BMP5: variants seen among roughly 807,000 people sequenced by gnomAD.
The protein encoded by BMP5 is bone morphogenetic protein 5.
A neutral mutation model predicts 46.6 loss-of-function variants in BMP5; 23 were observed. That is an observed-to-expected ratio of 0.49 (90% CI 0.35 to 0.70). The LOEUF (loss-of-function observed/expected upper bound fraction) is 0.70, where lower values mean the gene tolerates loss of function less well. Among genes scored for constraint, BMP5 ranks in the 30% least tolerant of loss-of-function variants. BMP5 has a pLI of 0.00. For missense variants in BMP5, 545 were observed against 565.6 expected (o/e 0.96, Z 0.37); for synonymous variants, 204 against 191.9 (o/e 1.06, Z -0.52).
intron 1 of BMP5, among the ~76,000 whole-genome samples, chr6:55,824,668 C>T (rs1776488672): frequency 6.6e-6 from 1 of 151,680 alleles, no homozygotes; most frequent in South Asian, 2.1e-4. Context: ...TTATCTCAGA[C>T]CAAAAATGAC....
chr6:55,786,656 A>G (rs1775457588), intron 3 of BMP5, among the ~76,000 whole-genome samples: 1 of 151,716 alleles, frequency 6.6e-6, no homozygotes, highest in South Asian at 2.1e-4. Context: ...AGTCAAAGCT[A>G]ATTATCCTTA....
rs1330952672 is a variant in BMP5, at chr6:55,874,601, T to A, written c.265A>T (p.Thr89Ser). The change falls in exon 1 of 7, where the codon ACC (threonine) becomes TCC (serine). Residue 89 changes from threonine (T) to serine (S), a missense_variant. Thr to Ser is a moderately conservative substitution (Grantham distance 58). Coordinates refer to ENST00000370830, the MANE Select transcript of BMP5 (RefSeq NM_021073.4). Reference protein sequence around the residue: ...LFMLDLYNAMTNEENPEESEY... With the variant: ...LFMLDLYNAMSNEENPEESEY... ...GACTCTTCAGGATTTTCTTCATTGG[T>A]CATGGCATTGTAGAGATCCAGCATA... 2 of 1,613,610 alleles carry A rather than the reference T, an allele frequency of 1.2e-6. No individual in the cohort carries two copies. The highest frequency in any genetic ancestry group is 4.5e-5 in the East Asian group (2 of 44,850).
rs563854151 is a variant in BMP5, at chr6:55,763,298, A to G, written c.1028-2765T>C. Reference sequence around the variant, plus strand: ...GAAAATAAAACTTTAAAGTCAAAATATATCTGTTCCATATATATGTCTTTT... The same window carrying G: ...GAAAATAAAACTTTAAAGTCAAAATGTATCTGTTCCATATATATGTCTTTT... On this transcript the variant is annotated intron_variant, in intron 4 of 6. Transcript: ENST00000370830. Among the ~76,000 whole-genome samples the G allele has an allele frequency of 3.3e-5, 5 of 152,156 alleles. No individual in the cohort carries two copies. In the East Asian group the frequency reaches 9.6e-4, roughly 29 times the overall value.
chr6:55,768,300 G>A (rs1255271200), intron 4 of BMP5, among the ~76,000 whole-genome samples: 1 of 151,836 alleles, frequency 6.6e-6, no homozygotes, highest in Non-Finnish European at 1.5e-5. Flanking sequence ...ACAATGCTTT[G>A]ACTTAAGATT....
At chr6:55,842,469 C>T (rs1269187976) in intron 1 of BMP5, among the ~76,000 whole-genome samples, 2 of 152,096 alleles carry the variant, frequency 1.3e-5, no homozygotes, top group Non-Finnish European at 2.9e-5. Flanking sequence ...GCAACACTCC[C>T]CCAGGTTTAC....
intron 1 of BMP5, among the ~76,000 whole-genome samples, chr6:55,838,180 T>C (rs1457836032): frequency 6.6e-6 from 1 of 152,186 alleles, no homozygotes. Context: ...GCCAAATCAT[T>C]GGATAGCTCA....
intron 1 of BMP5, among the ~76,000 whole-genome samples, chr6:55,840,865 T>C (rs1352791518): frequency 6.6e-6 from 1 of 152,164 alleles, no homozygotes; most frequent in Non-Finnish European, 1.5e-5. Flanking sequence ...TAGTTCTCCT[T>C]AGGCTTCACT....
intron 1 of BMP5, among the ~76,000 whole-genome samples, chr6:55,873,706 A>G (rs149351744): frequency 0.012 from 1,762 of 152,074 alleles, 30 homozygotes; most frequent in African/African-American, 0.04. Context: ...ATAGATAAAG[A>G]CCACTAAAGC....
chr6:55,812,004 C>T (rs1306322022), intron 2 of BMP5, among the ~76,000 whole-genome samples: 1 of 152,152 alleles, frequency 6.6e-6, no homozygotes, highest in Non-Finnish European at 1.5e-5. Context: ...GGCCTTATGT[C>T]CTCTGTGCTT....
At chr6:55,765,006 T>G (rs1774886400) in intron 4 of BMP5, among the ~76,000 whole-genome samples, 1 of 152,206 alleles carries the variant, frequency 6.6e-6, no homozygotes, top group African/African-American at 2.4e-5. Flanking sequence ...GATGGATATC[T>G]TAATTACCCT....
At chr6:55,852,420 G>A (rs1777268517) in intron 1 of BMP5, among the ~76,000 whole-genome samples, 1 of 151,910 alleles carries the variant, frequency 6.6e-6, no homozygotes, top group African/African-American at 2.4e-5. Flanking sequence ...ATTTATACAA[G>A]TTTTTATTTA....
At chr6:55,766,621 C>T (rs748193246) in intron 4 of BMP5, among the ~76,000 whole-genome samples, 1 of 152,024 alleles carries the variant, frequency 6.6e-6, no homozygotes, top group Non-Finnish European at 1.5e-5. Context: ...TTCCATTCTG[C>T]ACTCCATGGC....
At chr6:55,770,102 C>T (rs887471306) in intron 4 of BMP5, among the ~76,000 whole-genome samples, 3 of 151,734 alleles carry the variant, frequency 2.0e-5, no homozygotes, top group African/African-American at 7.3e-5. Context: ...TATATTAGCC[C>T]ATAACAAGAG....
intron 2 of BMP5, among the ~76,000 whole-genome samples, chr6:55,797,084 T>C (rs1775733186): frequency 6.6e-6 from 1 of 152,214 alleles, no homozygotes; most frequent in African/African-American, 2.4e-5. Context: ...CAGAATATGC[T>C]TGAGGAGAAT....
At chr6:55,854,900 T>C (rs1484620663) in intron 1 of BMP5, among the ~76,000 whole-genome samples, 1 of 152,160 alleles carries the variant, frequency 6.6e-6, no homozygotes, top group Non-Finnish European at 1.5e-5. Flanking sequence ...AAAGACTCTC[T>C]TTTTTATATT....
chr6:55,834,833 C>G (rs1194535488), intron 1 of BMP5, among the ~76,000 whole-genome samples: 1 of 152,154 alleles, frequency 6.6e-6, no homozygotes, highest in Non-Finnish European at 1.5e-5. Flanking sequence ...GTAATCCCAG[C>G]ACTTTGGGAA....
rs535169914 is a variant in BMP5, at chr6:55,786,966, A to T, written c.832+7313T>A. Among the ~76,000 whole-genome samples the T allele has an allele frequency of 2.2e-4, 33 of 151,874 alleles. No homozygotes were observed. The South Asian group carries it at 6.8e-3, about 31-fold the overall frequency. On this transcript the variant is annotated intron_variant, in intron 3 of 6. Coordinates refer to ENST00000370830, the MANE Select transcript of BMP5 (RefSeq NM_021073.4). ...CTTAGAATGTTTAAAAGATCCTCAG[A>T]TAAGTGGACATAATTCAACTTTTTG...
intron 1 of BMP5, among the ~76,000 whole-genome samples, chr6:55,826,267 A>C (rs960399056): frequency 1.1e-4 from 17 of 151,778 alleles, no homozygotes; most frequent in Non-Finnish European, 2.4e-4. Context: ...TTCAAAGGAT[A>C]ATTTCAATTG....
chr6:55,764,320 T>C (rs910035518), intron 4 of BMP5, among the ~76,000 whole-genome samples: 9 of 152,132 alleles, frequency 5.9e-5, no homozygotes, highest in African/African-American at 2.2e-4. Flanking sequence ...ACACCTGTAA[T>C]CCCAGCACTT....
Sources: gnomAD v4.1 joint callset for allele counts (sites outside exome capture counted in the v4.1 genomes callset) on GRCh38, gnomAD v4.1.1 for gene constraint, MANE v1.5 for transcripts, NCBI Gene and HGNC (gene_info 2026-07-23, HGNC 2026-07-21) for gene names.